The following NSD2 variants were observed in gnomAD, a reference collection of about 807,000 sequenced individuals.
NSD2 encodes the protein histone-lysine N-methyltransferase NSD2.
Under a neutral mutation model 139.0 loss-of-function variants are expected in NSD2, and 12 were observed. That is an observed-to-expected ratio of 0.09 (90% CI 0.06 to 0.14). NSD2 has a LOEUF of 0.14. Ranked by LOEUF, NSD2 falls within the 10% of genes least tolerant of loss-of-function variation. The pLI, the probability that NSD2 is intolerant of heterozygous loss-of-function variation, is 1.00. For missense variants in NSD2, 1,155 were observed against 1,745.0 expected (o/e 0.66, Z 6.02); for synonymous variants, 669 against 648.7 (o/e 1.03, Z -0.48).
chr4:1,886,388 A>G (rs6599402), intron 1 of NSD2, among the ~76,000 whole-genome samples: 129,940 of 151,996 alleles, frequency 0.85, 55,739 homozygotes, highest in East Asian at 1. Context: ...TGTATTTTTA[A>G]TAGAGACAGG....
intron 9 of NSD2, chr4:1,943,619 T>C (rs1723325979): frequency 1.9e-6 from 2 of 1,048,378 alleles, no homozygotes; most frequent in Non-Finnish European, 2.3e-6. Flanking sequence ...CTCTATTGGC[T>C]CTGCTCAAAT....
intron 3 of NSD2, among the ~76,000 whole-genome samples, chr4:1,914,148 G>C (rs1397917319): frequency 2.0e-5 from 3 of 151,962 alleles, no homozygotes; most frequent in Admixed American, 1.3e-4. Context: ...TCAGCCTCCC[G>C]AGTAGCTGGG....
intron 8 of NSD2, 57 bp downstream of exon 8, chr4:1,938,589 T>TGGTTGGGCTGGGG: frequency 1.9e-6 from 1 of 537,354 alleles, no homozygotes; most frequent in Admixed American, 2.4e-5. Flanking sequence ...CTGGGCTGGG[T>TGGTTGGGCTGGGG]GGGTGGGCTG....
intron 1 of NSD2, among the ~76,000 whole-genome samples, chr4:1,899,621 C>A (rs1208955647): frequency 6.6e-6 from 1 of 152,184 alleles, no homozygotes; most frequent in African/African-American, 2.4e-5. Flanking sequence ...AGATGCCTTC[C>A]CAGCTGGGGC....
intron 1 of NSD2, among the ~76,000 whole-genome samples, chr4:1,877,666 C>G (rs995154843): frequency 3.9e-4 from 60 of 152,156 alleles, no homozygotes; most frequent in African/African-American, 1.4e-3. Flanking sequence ...CCATCGTCAC[C>G]CACTCCCATT....
chr4:1,901,430 C>T (rs894482506), intron 2 of NSD2, among the ~76,000 whole-genome samples, 179 bp downstream of exon 2: 2 of 152,202 alleles, frequency 1.3e-5, no homozygotes, highest in Non-Finnish European at 2.9e-5. Flanking sequence ...GATGCCCTGG[C>T]ACTGCCTCCT....
At chr4:1,934,480 C>T (rs187619937) in intron 6 of NSD2, among the ~76,000 whole-genome samples, 11 of 150,168 alleles carry the variant, frequency 7.3e-5, no homozygotes, top group South Asian at 2.1e-4. Flanking sequence ...GCTACAAGAG[C>T]GAAACTCCAT....
intron 9 of NSD2, chr4:1,944,102 G>A (rs1723380587): frequency 3.8e-6 from 4 of 1,066,002 alleles, no homozygotes; most frequent in East Asian, 5.0e-5. Context: ...GGGTGACATC[G>A]TTCCCTGGGG....
chr4:1,946,111 C>G (rs182547619), intron 9 of NSD2: 1 of 1,028,654 alleles, frequency 9.7e-7, no homozygotes, highest in Non-Finnish European at 1.2e-6. Context: ...CTGAGGTGTG[C>G]GGTTTATCTT....
chr4:1,911,611 A>G (rs1233907872), intron 3 of NSD2, among the ~76,000 whole-genome samples: 1 of 151,034 alleles, frequency 6.6e-6, no homozygotes, highest in African/African-American at 2.4e-5. Flanking sequence ...AAAAAAAGAA[A>G]AAAAAAAAGA....
chr4:1,958,490 G>T lies in NSD2; in HGVS notation c.2985+454G>T, dbSNP rs1725051961. On this transcript the variant is annotated intron_variant, in intron 16 of 21. Transcript: ENST00000508803. The surrounding 1 kb of genome is among the most constrained non-coding windows in gnomAD (Gnocchi z 4.6). ...TGTGTTTATTCCAGTGAGCTCGAGA[G>T]CCCCAGCAGGAGGAAGTGCAGCCAG... Among the ~76,000 whole-genome samples, 1 of 152,248 alleles carries T rather than the reference G, an allele frequency of 6.6e-6. No homozygotes were observed. Among genetic ancestry groups the T allele is most frequent in the Non-Finnish European group, 1.5e-5 (1 of 68,048 alleles).
intron 3 of NSD2, among the ~76,000 whole-genome samples, chr4:1,916,506 C>T (rs1036735910): frequency 5.9e-5 from 9 of 152,224 alleles, no homozygotes; most frequent in South Asian, 4.1e-4. Context: ...CCACCACACC[C>T]GGCTAATTTT....
At chr4:1,920,911 G>A (rs1017782036) in intron 5 of NSD2, among the ~76,000 whole-genome samples, 12 of 151,930 alleles carry the variant, frequency 7.9e-5, no homozygotes, top group African/African-American at 2.7e-4. Context: ...GATGGCATGT[G>A]CCTGTAGTCT....
intron 9 of NSD2, chr4:1,946,568 G>A (rs1219323125): frequency 7.9e-6 from 8 of 1,018,702 alleles, no homozygotes; most frequent in Non-Finnish European, 9.4e-6. Flanking sequence ...TGCACCTGGC[G>A]GGGTCTTGCT....
intron 15 of NSD2, 143 bp from the exon 16 acceptor site, chr4:1,957,790 A>C (rs984287906): frequency 6.6e-6 from 5 of 752,486 alleles, no homozygotes; most frequent in African/African-American, 5.3e-5. Context: ...GCCCACTGAC[A>C]GTTGTTCATA....
chr4:1,900,245 C>T (rs1716969981), intron 1 of NSD2, among the ~76,000 whole-genome samples: 1 of 152,166 alleles, frequency 6.6e-6, no homozygotes, highest in African/African-American at 2.4e-5. Context: ...TGCCAGCTGC[C>T]TCACACATAT....
At chr4:1,932,512 C>T (rs962464661) in intron 6 of NSD2, among the ~76,000 whole-genome samples, 1 of 151,254 alleles carries the variant, frequency 6.6e-6, no homozygotes, top group African/African-American at 2.4e-5. Flanking sequence ...TTTGGGAGGC[C>T]GAGGTGGGCA....
intron 17 of NSD2, 128 bp from the exon 18 acceptor site, chr4:1,960,907 G>A (rs180748518): frequency 4.5e-5 from 28 of 623,588 alleles, no homozygotes; most frequent in Admixed American, 2.5e-4. Context: ...CTTTGTACAC[G>A]CCCTCCACGG....
intron 9 of NSD2, chr4:1,941,025 CA>C (rs1723040938): frequency 1.1e-5 from 12 of 1,057,368 alleles, no homozygotes; most frequent in Non-Finnish European, 5.7e-6. Context: ...GATAATTAAG[CA>C]TTTTGTGATG....
Sources: allele counts gnomAD v4.1 joint callset (sites outside exome capture counted in the v4.1 genomes callset), GRCh38; gene constraint gnomAD v4.1.1; non-coding constraint Gnocchi (gnomAD v3.1); transcripts MANE v1.5; gene names NCBI Gene and HGNC (gene_info 2026-07-23, HGNC 2026-07-21).